VDAC2: variants seen among roughly 807,000 people sequenced by gnomAD.
VDAC2 encodes voltage dependent anion channel 2, also known as non-selective voltage-gated ion channel VDAC2.
VDAC2 carries 6 observed loss-of-function variants against 36.6 expected under a neutral mutation model. That is an observed-to-expected ratio of 0.16 (90% CI 0.09 to 0.32). The LOEUF is 0.32. Among genes scored for constraint, VDAC2 ranks in the 10% least tolerant of loss-of-function variants. VDAC2 has a pLI of 1.00. For missense variants in VDAC2, 247 were observed against 346.0 expected (o/e 0.71, Z 2.27); for synonymous variants, 109 against 123.8 (o/e 0.88, Z 0.79).
chr10:75,229,318 G>T, intron 8 of VDAC2: 1 of 184,088 alleles, frequency 5.4e-6, no homozygotes. Context: ...ACCACATTTT[G>T]GTCTGGTTTG....
Position 75,214,458 on chromosome 10 carries a change from T to C in VDAC2, c.150+388T>C, listed in dbSNP as rs560815058. On this transcript the variant is annotated intron_variant, in intron 4 of 9. Transcript: ENST00000332211. The stretch of plus-strand genomic sequence containing the variant: ...GAGTGTACTAATCATTTATATAATG[T>C]CCATTTTCTAGCAGTTCTCCCTGGA... 1.1e-3 allele frequency among the ~76,000 whole-genome samples: 174 copies of C among 152,338 alleles called. 1 individual carries two copies. Among genetic ancestry groups the C allele is most frequent in the Non-Finnish European group, 1.2e-3 (82 of 68,032 alleles).
intron 4 of VDAC2, among the ~76,000 whole-genome samples, chr10:75,216,990 C>T (rs1250936009): frequency 6.6e-6 from 1 of 152,172 alleles, no homozygotes; most frequent in African/African-American, 2.4e-5. Context: ...CACAGTGGCT[C>T]ATTCCTGTAA....
intron 4 of VDAC2, among the ~76,000 whole-genome samples, chr10:75,214,896 G>A (rs200914459): frequency 1.3e-5 from 2 of 152,056 alleles, no homozygotes; most frequent in East Asian, 3.9e-4. Context: ...GTTTACAAAG[G>A]GGATAAACTA....
intron 4 of VDAC2, among the ~76,000 whole-genome samples, chr10:75,215,669 T>G (rs1253473687): frequency 6.6e-6 from 1 of 150,800 alleles, no homozygotes; most frequent in Non-Finnish European, 1.5e-5. Flanking sequence ...ACATTTTTGA[T>G]GTAGTGCATG....
intron 4 of VDAC2, among the ~76,000 whole-genome samples, chr10:75,216,738 C>T (rs1000443962): frequency 1.3e-5 from 2 of 152,066 alleles, no homozygotes; most frequent in Non-Finnish European, 2.9e-5. Context: ...GATGAATGGC[C>T]GTAGGTGGGG....
In VDAC2 at chr10:75,210,823, G is replaced by T. The variant is rs909616650; in HGVS notation, c.-141G>T. 1 of 261,344 alleles carries T rather than the reference G, an allele frequency of 3.8e-6. No individual in the cohort carries two copies. Among genetic ancestry groups the T allele is most frequent in the Non-Finnish European group, 7.2e-6 (1 of 137,988 alleles). The allele number at this position is 261,344 out of a possible 1,614,324, so 16.2% of individuals were successfully genotyped here. On this transcript the variant is annotated 5_prime_UTR_variant, in exon 1 of 10. Transcript: ENST00000332211. ...AGGACAGGGTTGCGGCGGGCGGAAC[G>T]GTGTCTCCTTCACTTCGCCCTCCAG...
intron 4 of VDAC2, among the ~76,000 whole-genome samples, chr10:75,216,617 A>G (rs1398733348): frequency 2.6e-5 from 4 of 152,150 alleles, no homozygotes; most frequent in Non-Finnish European, 5.9e-5. Context: ...TCTGGTGGTA[A>G]AGGGTATGAG....
intron 2 of VDAC2, 116 bp from the exon 3 acceptor site, chr10:75,212,114 C>T: frequency 2.2e-6 from 2 of 905,434 alleles, no homozygotes; most frequent in Non-Finnish European, 3.4e-6. Context: ...GCATAAAAAA[C>T]ATTCCAACAA....
At position 75,216,293 on chromosome 10, in the gene VDAC2, CTG is replaced by C. The variant is rs566934357; in HGVS notation, c.150+2224_150+2225del. ...TTTCTAGTTGGAGAGACAAAATAAA[CTG>C]AGAGTACTGAGGTAATTAATATCAA... On this transcript the variant is annotated intron_variant, in intron 4 of 9. Transcript: ENST00000332211. Among the ~76,000 whole-genome samples the C allele has an allele frequency of 1.5e-4, 23 of 152,198 alleles. No individual in the cohort carries two copies. The East Asian group carries it at 2.5e-3, about 17-fold the overall frequency.
chr10:75,227,985 C>G (rs1214991389), intron 8 of VDAC2, among the ~76,000 whole-genome samples: 1 of 151,750 alleles, frequency 6.6e-6, no homozygotes, highest in African/African-American at 2.4e-5. Flanking sequence ...ACCTCCGCCT[C>G]CCGGGTTCAC....
intron 4 of VDAC2, among the ~76,000 whole-genome samples, chr10:75,218,605 T>C (rs1340276019): frequency 6.6e-6 from 1 of 152,010 alleles, no homozygotes; most frequent in Admixed American, 6.6e-5. Flanking sequence ...GTACTAAAAA[T>C]ACAAAAATCA....
chr10:75,211,383 CG>C, intron 2 of VDAC2, 194 bp downstream of exon 2: 1 of 1,406,398 alleles, frequency 7.1e-7, no homozygotes, highest in Non-Finnish European at 9.5e-7. Flanking sequence ...GAACAAGGCC[CG>C]GGGAGTTGGT....
chr10:75,225,028 T>C (rs952797373), intron 8 of VDAC2, among the ~76,000 whole-genome samples: 2 of 152,184 alleles, frequency 1.3e-5, no homozygotes, highest in Admixed American at 6.5e-5. Flanking sequence ...TGCCATATGG[T>C]AATATTGTTG....
chr10:75,218,713 G>C (rs1841688915), intron 4 of VDAC2, among the ~76,000 whole-genome samples: 1 of 151,472 alleles, frequency 6.6e-6, no homozygotes, highest in Non-Finnish European at 1.5e-5. Flanking sequence ...AGTATGCCGA[G>C]ATCACGCCAC....
chr10:75,228,160 C>T (rs1282343855), intron 8 of VDAC2, among the ~76,000 whole-genome samples: 1 of 152,168 alleles, frequency 6.6e-6, no homozygotes, highest in Admixed American at 6.5e-5. Flanking sequence ...TCCCAAAGTG[C>T]TGGGATTACA....
At chr10:75,211,681 A>G (rs759354285) in intron 2 of VDAC2, 154 of 1,550,296 alleles carry the variant, frequency 9.9e-5, no homozygotes, top group Non-Finnish European at 1.3e-4. Flanking sequence ...GCGCTATTTG[A>G]TATTTAGTTG....
At chr10:75,212,174 T>G (rs1047967677) in intron 2 of VDAC2, 56 bp from the exon 3 acceptor site, 33 of 1,493,146 alleles carry the variant, frequency 2.2e-5, no homozygotes, top group Non-Finnish European at 2.8e-5. Context: ...CTCTTGTTCT[T>G]GGATAGAAGG....
intron 3 of VDAC2, among the ~76,000 whole-genome samples, chr10:75,213,246 T>A (rs1176494708): frequency 6.6e-6 from 1 of 150,830 alleles, no homozygotes; most frequent in Non-Finnish European, 1.5e-5. Flanking sequence ...GCCCAGCTTT[T>A]TTTTTGTATT....
At chr10:75,215,321 A>T (rs964167365) in intron 4 of VDAC2, among the ~76,000 whole-genome samples, 3 of 151,756 alleles carry the variant, frequency 2.0e-5, no homozygotes, top group Non-Finnish European at 4.4e-5. Context: ...TTATTTTGAT[A>T]TATGTATGTA....
Sources: allele counts gnomAD v4.1 joint callset (sites outside exome capture counted in the v4.1 genomes callset), GRCh38; gene constraint gnomAD v4.1.1; transcripts MANE v1.5; gene names NCBI Gene and HGNC (gene_info 2026-07-23, HGNC 2026-07-21).